Variants in CCNJL observed in about 807,000 individuals in gnomAD.
The protein encoded by CCNJL is cyclin-J-like protein.
A neutral mutation model predicts 33.4 loss-of-function variants in CCNJL; 33 were observed. The observed-to-expected ratio is 0.99, with a 90% CI of 0.75 to 1.32. The LOEUF (loss-of-function observed/expected upper bound fraction) is 1.32. CCNJL is among the 40% of genes most tolerant of loss of function. The probability of loss-of-function intolerance (pLI) is 0.00; values close to 1 mark genes in which losing one functional copy is unlikely to be tolerated. For missense variants in CCNJL, 512 were observed against 499.7 expected, an observed-to-expected ratio of 1.02 and a Z score of -0.23; for synonymous variants, 227 against 220.9, an observed-to-expected ratio of 1.03 and a Z score of -0.24.
intron 3 of CCNJL, among the ~76,000 whole-genome samples, chr5:160,265,858 G>GAAAAAAA (rs200091163): frequency 5.1e-5 from 5 of 97,144 alleles, no homozygotes; most frequent in Non-Finnish European, 6.9e-5. Context: ...GTCTCCAGGG[G>GAAAAAAA]AAAAAAAAAA....
At chr5:160,328,836 C>T (rs1025333429) in intron 1 of CCNJL, among the ~76,000 whole-genome samples, 7 of 150,308 alleles carry the variant, frequency 4.7e-5, no homozygotes, top group South Asian at 2.1e-4. Context: ...GCCAAGAGCA[C>T]GCCACTGCAC....
chr5:160,300,011 T>A (rs1339881956), intron 2 of CCNJL, among the ~76,000 whole-genome samples: 1 of 152,094 alleles, frequency 6.6e-6, no homozygotes, highest in African/African-American at 2.4e-5. Context: ...ACTGAATCTA[T>A]CCAATTCCCG....
chr5:160,278,888 G>A lies in CCNJL; in HGVS notation c.280+1637C>T, dbSNP rs77312507. 2.0e-4 allele frequency among the ~76,000 whole-genome samples: 31 copies of A among 152,316 alleles called. No homozygotes were observed. In the East Asian group the frequency reaches 5.2e-3, roughly 26 times the overall value. On this transcript the variant is annotated intron_variant, in intron 3 of 5. Coordinates refer to ENST00000257536, the MANE Select transcript of CCNJL (RefSeq NM_001308173.3). ...GAGATGTTTCACAAGCCCCGCAGAC[G>A]AAAGGGGGCTGCACGTTGATTTGGG...
chr5:160,274,224 C>T (rs1006350499), intron 3 of CCNJL, among the ~76,000 whole-genome samples: 3 of 151,946 alleles, frequency 2.0e-5, no homozygotes, highest in South Asian at 2.1e-4. Flanking sequence ...TTTGGGAGGC[C>T]GAGGCAGGCA....
intron 3 of CCNJL, chr5:160,261,215 G>A (rs989584036): frequency 6.6e-6 from 1 of 152,212 alleles, no homozygotes; most frequent in African/African-American, 2.4e-5. Context: ...AGACGTCACT[G>A]CAGAATGAAT....
intron 2 of CCNJL, among the ~76,000 whole-genome samples, chr5:160,303,182 T>G (rs990540514): frequency 6.6e-6 from 1 of 152,206 alleles, no homozygotes; most frequent in Non-Finnish European, 1.5e-5. Flanking sequence ...ATAAAGTGTT[T>G]TACGACAAGG....
chr5:160,259,577 C>T lies in CCNJL; in HGVS notation c.475G>A (p.Val159Ile), dbSNP rs772857353. ...HFLDYYLLASVSQKDHHCHTW... is the reference protein window; with the variant it reads ...HFLDYYLLASISQKDHHCHTW... ...TGGCAGTGGTGGTCCTTCTGGCTGA[C>T]GGAGGCCAAGAGGTAGTAGTCCAGG... is the stretch of plus-strand genomic sequence containing the variant. Residue 159 changes from valine (V) to isoleucine (I), a missense_variant, in exon 4 of 6, where the codon GTC becomes ATC. Coordinates refer to ENST00000257536, the MANE Select transcript of CCNJL (RefSeq NM_001308173.3). The T allele has an allele frequency of 3.1e-5, 50 of 1,614,018 alleles. No homozygotes were observed. The highest frequency in any genetic ancestry group is 5.0e-5 in the Admixed American group (3 of 59,992).
chr5:160,253,860 C>G (rs1227487934), intron 5 of CCNJL, 62 bp from the exon 6 acceptor site: 1 of 1,313,526 alleles, frequency 7.6e-7, no homozygotes. Flanking sequence ...CTGTGTGTGT[C>G]TCTACCTGTC....
At position 160,252,467 on chromosome 5, in the gene CCNJL, C is replaced by G. The variant is rs1760846961; in HGVS notation, c.*911G>C. 6.6e-6 allele frequency: 1 copy of G among 152,282 alleles called. No homozygotes were observed. 9.4% of individuals were successfully genotyped at this position (152,282 alleles called of 1,614,324 possible). On this transcript the variant is annotated 3_prime_UTR_variant, in exon 6 of 6. Coordinates refer to ENST00000257536, the MANE Select transcript of CCNJL (RefSeq NM_001308173.3). ...TTCCTTTCAACGAGCTTCTCCCTCC[C>G]TGGGTAGTTATTAAAGTTCTAGTGG...
intron 2 of CCNJL, among the ~76,000 whole-genome samples, chr5:160,282,989 A>ATATATG (rs1762280326): frequency 3.4e-5 from 2 of 58,718 alleles, no homozygotes; most frequent in Non-Finnish European, 6.3e-5. Context: ...ATATATATAT[A>ATATATG]TATATATATA....
At chr5:160,259,396 A>T in intron 4 of CCNJL, 73 bp downstream of exon 4, 1 of 1,421,008 alleles carries the variant, frequency 7.0e-7, no homozygotes, top group Non-Finnish European at 9.6e-7. Context: ...CATGCCTTTT[A>T]GAGCCGCCTG....
At chr5:160,263,658 T>G (rs1191272098) in intron 3 of CCNJL, among the ~76,000 whole-genome samples, 1 of 152,188 alleles carries the variant, frequency 6.6e-6, no homozygotes, top group Non-Finnish European at 1.5e-5. Context: ...TGTCCTGGCT[T>G]ATGTTAGATC....
intron 2 of CCNJL, among the ~76,000 whole-genome samples, chr5:160,305,013 A>G (rs1240496855): frequency 6.6e-6 from 1 of 151,772 alleles, no homozygotes; most frequent in East Asian, 1.9e-4. Context: ...ACGGGGCTTC[A>G]CCTTGTTGGC....
chr5:160,302,311 C>A (rs1280781620), intron 2 of CCNJL, among the ~76,000 whole-genome samples: 1 of 152,038 alleles, frequency 6.6e-6, no homozygotes, highest in Non-Finnish European at 1.5e-5. Context: ...AGTTATGAAA[C>A]TGTGATATAC....
At chr5:160,316,396 A>G (rs1044535224), upstream of CCNJL, among the ~76,000 whole-genome samples, 1 of 150,336 alleles carries the variant, frequency 6.7e-6, no homozygotes, top group East Asian at 2.0e-4. Context: ...CATTCTACTT[A>G]TCTTCAGCTT....
chr5:160,269,281 A>G (rs1021756311), intron 3 of CCNJL, among the ~76,000 whole-genome samples: 1 of 152,184 alleles, frequency 6.6e-6, no homozygotes, highest in Non-Finnish European at 1.5e-5. Context: ...CGTGACCCAA[A>G]TAAGTGTCAC....
intron 2 of CCNJL, among the ~76,000 whole-genome samples, chr5:160,288,606 C>T (rs1762482372): frequency 6.6e-6 from 1 of 151,976 alleles, no homozygotes; most frequent in Non-Finnish European, 1.5e-5. Context: ...TGTGGTGGCT[C>T]ACGCCTGTAA....
chr5:160,267,683 G>A lies in CCNJL; in HGVS notation c.281-7912C>T, dbSNP rs74845365. Among the ~76,000 whole-genome samples the A allele has an allele frequency of 9.7e-3, 1,481 of 152,066 alleles. 26 individuals carry two copies. Among genetic ancestry groups the A allele is most frequent in the African/African-American group, 0.033 (1,372 of 41,462 alleles). The stretch of plus-strand genomic sequence containing the variant: ...AGTTTCAGCTTCACCCCATCTAACC[G>A]CCCTGTTCTCCACAAATACTCTTAA... On this transcript the variant is annotated intron_variant, in intron 3 of 5. Transcript: ENST00000257536.
At chr5:160,307,673 G>A (rs1200957442) in intron 2 of CCNJL, among the ~76,000 whole-genome samples, 2 of 152,104 alleles carry the variant, frequency 1.3e-5, no homozygotes, top group South Asian at 4.1e-4. Flanking sequence ...AGAGGGTCAA[G>A]GGGCACACGT....
Sources: gnomAD v4.1 joint callset for allele counts (sites outside exome capture counted in the v4.1 genomes callset) on GRCh38, gnomAD v4.1.1 for gene constraint, MANE v1.5 for transcripts, NCBI Gene and HGNC (gene_info 2026-07-23, HGNC 2026-07-21) for gene names.